Variants in RAF1 observed in about 807,000 individuals in gnomAD.
RAF1 encodes the protein Raf-1 proto-oncogene, serine/threonine kinase.
In RAF1, 27 loss-of-function variants were observed where a neutral mutation model predicts 81.1. That is an observed-to-expected ratio of 0.33 (90% confidence interval 0.25 to 0.46). The LOEUF (loss-of-function observed/expected upper bound fraction) is 0.46. Among genes scored for constraint, RAF1 ranks in the 20% least tolerant of loss-of-function variants. RAF1 has a pLI of 1.00. For missense variants in RAF1, 598 were observed against 826.0 expected, an observed-to-expected ratio of 0.72 and a Z score of 3.38; for synonymous variants, 298 against 294.0, an observed-to-expected ratio of 1.01 and a Z score of -0.14.
Position 12,608,717 on chromosome 3 carries a change from T to C in RAF1, c.581+49A>G, listed in dbSNP as rs774535119. The C allele has an allele frequency of 1.9e-6, 3 of 1,581,026 alleles. No individual in the cohort carries two copies. In the South Asian group the frequency reaches 3.3e-5, roughly 17 times the overall value. ...TCTACAACAAATACCCTTTAAAGTA[T>C]GTATACTCCTCATCCCTATCTTCCT... On this transcript the variant is annotated intron_variant, in intron 5 of 17. Transcript: ENST00000442415.
chr3:12,614,385 C>A (rs2059308913), intron 2 of RAF1, among the ~76,000 whole-genome samples: 1 of 151,106 alleles, frequency 6.6e-6, no homozygotes, highest in African/African-American at 2.4e-5. Flanking sequence ...AGGGGTACAT[C>A]AGATTTGTTA....
intron 11 of RAF1, 75 bp from the exon 11 acceptor site, chr3:12,591,867 A>C: frequency 9.1e-7 from 1 of 1,098,570 alleles, no homozygotes. Context: ...TTTGAGGAAG[A>C]TACAGTGAAT....
chr3:12,645,053 C>T (rs1339318457), intron 1 of RAF1, among the ~76,000 whole-genome samples: 3 of 140,780 alleles, frequency 2.1e-5, no homozygotes, highest in East Asian at 4.1e-4. Flanking sequence ...GAGCCAAGAG[C>T]GCATCACTGC....
chr3:12,638,074 T>C (rs1291608443), intron 1 of RAF1, among the ~76,000 whole-genome samples: 1 of 152,164 alleles, frequency 6.6e-6, no homozygotes, highest in Non-Finnish European at 1.5e-5. Context: ...TTGGTTTTCA[T>C]AATAATTTAT....
At position 12,615,500 on chromosome 3, in the gene RAF1, G is replaced by A. The variant is rs146067249; in HGVS notation, c.207+3015C>T. On this transcript the variant is annotated intron_variant, in intron 2 of 17. Coordinates refer to ENST00000442415, the MANE Select transcript of RAF1 (RefSeq NM_001354689.3). ...TTCAGGAAGTAAAGCAACCTGGGGA[G>A]GAGTAAAAAGAGCTGACTGATGGTG... is the stretch of plus-strand genomic sequence containing the variant. 2.0e-3 allele frequency among the ~76,000 whole-genome samples: 312 copies of A among 152,288 alleles called. 1 individual carries two copies. The highest frequency in any genetic ancestry group is 6.3e-3 in the African/African-American group (262 of 41,552).
intron 1 of RAF1, among the ~76,000 whole-genome samples, chr3:12,656,168 T>A (rs1256463568): frequency 6.8e-6 from 1 of 147,628 alleles, no homozygotes; most frequent in African/African-American, 2.5e-5. Context: ...TCACAATCTC[T>A]CCTCTCAAAA....
At chr3:12,592,098 A>C in intron 11 of RAF1, 1 of 418,328 alleles carries the variant, frequency 2.4e-6, no homozygotes, top group Non-Finnish European at 4.5e-6. Flanking sequence ...AAAGTTACAT[A>C]GGTTAACTGC....
chr3:12,599,205 T>C (rs943915066), intron 11 of RAF1: 1 of 160,192 alleles, frequency 6.2e-6, no homozygotes, highest in African/African-American at 2.4e-5. Context: ...CCCTGTTTGA[T>C]AGGGACACCC....
At chr3:12,589,808 T>TC (rs2058447917) in intron 13 of RAF1, 1 of 150,748 alleles carries the variant, frequency 6.6e-6, no homozygotes, top group African/African-American at 2.4e-5. Context: ...TTTTTTTTTT[T>TC]CAGATGGAGT....
intron 1 of RAF1, among the ~76,000 whole-genome samples, chr3:12,661,889 A>G (rs1172182323): frequency 6.6e-6 from 1 of 152,024 alleles, no homozygotes; most frequent in African/African-American, 2.4e-5. Context: ...AACACTTATC[A>G]AAAATGTTCT....
intron 1 of RAF1, among the ~76,000 whole-genome samples, chr3:12,663,163 G>A (rs985682438): frequency 6.6e-6 from 1 of 152,190 alleles, no homozygotes; most frequent in Non-Finnish European, 1.5e-5. Flanking sequence ...AGCAGCTGCA[G>A]AGCTGAAGCG....
At chr3:12,651,582 T>A (rs1444651926) in intron 1 of RAF1, among the ~76,000 whole-genome samples, 2 of 147,770 alleles carry the variant, frequency 1.4e-5, no homozygotes, top group South Asian at 2.2e-4. Context: ...TGCAGTGAGC[T>A]GAGATCGGTT....
At chr3:12,653,314 T>C (rs1559490800) in intron 1 of RAF1, among the ~76,000 whole-genome samples, 1 of 152,096 alleles carries the variant, frequency 6.6e-6, no homozygotes, top group Non-Finnish European at 1.5e-5. Flanking sequence ...CAAACTATAT[T>C]ACTACAGTAA....
intron 1 of RAF1, among the ~76,000 whole-genome samples, chr3:12,621,318 T>C (rs1455219092): frequency 1.3e-5 from 2 of 152,206 alleles, no homozygotes; most frequent in Non-Finnish European, 2.9e-5. Flanking sequence ...CAAATCATTT[T>C]AGTCAGAGCT....
intron 1 of RAF1, among the ~76,000 whole-genome samples, chr3:12,647,290 C>G (rs1457661113): frequency 2.5e-5 from 2 of 80,764 alleles, no homozygotes; most frequent in Non-Finnish European, 4.7e-5. Flanking sequence ...AGCGAGACTC[C>G]ATCTCAAAAA....
Position 12,585,703 on chromosome 3 carries a change from G to A in RAF1, c.1574C>T (p.Pro525Leu). The A allele has an allele frequency of 1.2e-6, 2 of 1,613,884 alleles. No individual in the cohort carries two copies. The highest frequency in any genetic ancestry group is 1.7e-6 in the Non-Finnish European group (2 of 1,179,764). Residue 525 changes from proline to leucine, a missense_variant, in exon 15 of 18, where the codon CCT becomes CTT. This residue lies in a region of RAF1 where 147 missense variants were observed against 196.1 expected (regional missense o/e 0.75). Transcript: ENST00000442415. ...CACCATCCAGAGGACAGAGCCAGTA[G>A]GTTGTTCAACCTGCTGAGAACCACT...
intron 6 of RAF1, among the ~76,000 whole-genome samples, chr3:12,605,266 G>A (rs1025951017): frequency 3.3e-5 from 5 of 151,904 alleles, no homozygotes; most frequent in African/African-American, 1.2e-4. Context: ...GTGTGTGTGT[G>A]TGTGTGTGTG....
intron 1 of RAF1, among the ~76,000 whole-genome samples, chr3:12,658,476 C>A (rs989306272): frequency 6.6e-6 from 1 of 152,070 alleles, no homozygotes; most frequent in African/African-American, 2.4e-5. Context: ...GTGGCGCATG[C>A]CTGTAATCCC....
intron 2 of RAF1, among the ~76,000 whole-genome samples, chr3:12,613,840 T>C (rs2059292232): frequency 6.6e-6 from 1 of 152,220 alleles, no homozygotes; most frequent in Admixed American, 6.5e-5. Context: ...TAATCATTCT[T>C]TGAAGCCCAA....
Sources: gnomAD v4.1 joint callset for allele counts (sites outside exome capture counted in the v4.1 genomes callset) on GRCh38, gnomAD v4.1.1 for gene constraint, gnomAD v4.1.1 regional missense constraint, MANE v1.5 for transcripts, NCBI Gene and HGNC (gene_info 2026-07-23, HGNC 2026-07-21) for gene names.